The following AP1S3 variants were observed in gnomAD, a reference collection of about 807,000 sequenced individuals.
The protein encoded by AP1S3 is AP-1 complex subunit sigma-3.
AP1S3 carries 10 observed loss-of-function variants against 20.9 expected under a neutral mutation model. The ratio of observed to expected loss-of-function variants is 0.48; its 90% CI spans 0.29 to 0.81. The LOEUF is 0.81. AP1S3 is among the 30% of genes least tolerant of loss of function. The pLI is 0.08. For synonymous variants in AP1S3, 41 were observed against 61.5 expected (o/e 0.67, Z 1.56); for missense variants, 154 against 183.8 (o/e 0.84, Z 0.94).
chr2:223,791,062 G>C (rs772441372), intron 1 of AP1S3, among the ~76,000 whole-genome samples: 6 of 152,110 alleles, frequency 3.9e-5, no homozygotes, highest in Admixed American at 2.0e-4. Flanking sequence ...AAAAGCCCAG[G>C]ATCAGATGGA....
intron 1 of AP1S3, among the ~76,000 whole-genome samples, chr2:223,811,043 G>T (rs1289420443): frequency 2.6e-5 from 4 of 150,996 alleles, no homozygotes; most frequent in African/African-American, 9.7e-5. Context: ...AGTGGTTTTG[G>T]TTACATGAAT....
At chr2:223,801,554 C>T (rs957758235) in intron 1 of AP1S3, among the ~76,000 whole-genome samples, 9 of 152,126 alleles carry the variant, frequency 5.9e-5, no homozygotes, top group Non-Finnish European at 1.0e-4. Flanking sequence ...AAGCAATTCT[C>T]GTGCCTCAGC....
intron 4 of AP1S3, among the ~76,000 whole-genome samples, chr2:223,764,196 G>A (rs1690425960): frequency 7.0e-6 from 1 of 143,524 alleles, no homozygotes. Context: ...TGGGATTACA[G>A]GAGTGAGCCA....
At position 223,798,009 on chromosome 2, in the gene AP1S3, C is replaced by T. The variant is rs148776823; in HGVS notation, c.4-20140G>A. Among the ~76,000 whole-genome samples the T allele has an allele frequency of 1.4e-3, 209 of 152,308 alleles. 1 individual carries two copies. Among genetic ancestry groups the T allele is most frequent in the African/African-American group, 4.7e-3 (194 of 41,572 alleles). ...AAGTGGTCCTCTGACCCAAGAACCT[C>T]GCTTCTATATCTCAGCCGAATATTA... is the stretch of plus-strand genomic sequence containing the variant. On this transcript the variant is annotated intron_variant, in intron 1 of 4. Coordinates refer to ENST00000396654, the MANE Select transcript of AP1S3 (RefSeq NM_001039569.2).
intron 1 of AP1S3, among the ~76,000 whole-genome samples, chr2:223,801,739 C>T (rs558693663): frequency 8.1e-4 from 124 of 152,158 alleles, no homozygotes; most frequent in African/African-American, 2.7e-3. Context: ...CCACTGCACC[C>T]GGCCCATGAG....
chr2:223,806,455 T>C (rs1215641786), intron 1 of AP1S3, among the ~76,000 whole-genome samples: 1 of 151,832 alleles, frequency 6.6e-6, no homozygotes, highest in East Asian at 1.9e-4. Context: ...GGCTAATTTT[T>C]TCATATTTTT....
At chr2:223,833,239 A>AAAAT (rs144135099) in intron 1 of AP1S3, among the ~76,000 whole-genome samples, 18,348 of 141,168 alleles carry the variant, frequency 0.13, 1,207 homozygotes, top group African/African-American at 0.15. Flanking sequence ...TGTTAAAGGC[A>AAAAT]AAATACATAC....
At chr2:223,758,832 A>C in intron 4 of AP1S3, 82 bp from the exon 5 acceptor site, 3 of 1,217,036 alleles carry the variant, frequency 2.5e-6, no homozygotes, top group Non-Finnish European at 3.5e-6. Flanking sequence ...GCATTCTTTT[A>C]TTTATTTGCC....
intron 1 of AP1S3, among the ~76,000 whole-genome samples, chr2:223,794,815 G>A (rs1423599014): frequency 2.6e-5 from 4 of 152,090 alleles, no homozygotes; most frequent in Admixed American, 1.3e-4. Flanking sequence ...TCTCCCTTGC[G>A]TCTGAACCCC....
chr2:223,797,874 G>A (rs1691380997), intron 1 of AP1S3, among the ~76,000 whole-genome samples: 1 of 152,232 alleles, frequency 6.6e-6, no homozygotes, highest in South Asian at 2.1e-4. Flanking sequence ...CTCATTTGAG[G>A]CTGCTGAATC....
At chr2:223,802,760 G>A (rs1231205869) in intron 1 of AP1S3, among the ~76,000 whole-genome samples, 1 of 151,958 alleles carries the variant, frequency 6.6e-6, no homozygotes, top group East Asian at 1.9e-4. Flanking sequence ...TTTCAGGAAG[G>A]GGCATTTTCT....
intron 1 of AP1S3, among the ~76,000 whole-genome samples, chr2:223,799,527 T>C (rs944666661): frequency 9.9e-5 from 15 of 152,218 alleles, no homozygotes; most frequent in Non-Finnish European, 1.5e-4. Context: ...TTATGCCTTT[T>C]ATTTTTAATC....
intron 1 of AP1S3, among the ~76,000 whole-genome samples, chr2:223,817,383 C>T (rs188433972): frequency 2.2e-4 from 33 of 151,962 alleles, no homozygotes; most frequent in Non-Finnish European, 3.7e-4. Context: ...CCAAGGTGGG[C>T]GGATCACCTG....
intron 1 of AP1S3, among the ~76,000 whole-genome samples, chr2:223,812,563 G>A (rs1691757106): frequency 6.6e-6 from 1 of 152,144 alleles, no homozygotes; most frequent in African/African-American, 2.4e-5. Flanking sequence ...GTAAATTTTG[G>A]TTCCCTTTCC....
intron 1 of AP1S3, among the ~76,000 whole-genome samples, chr2:223,807,087 G>A (rs538196743): frequency 3.0e-4 from 46 of 152,196 alleles, no homozygotes; most frequent in African/African-American, 7.9e-4. Context: ...GCAACATGGC[G>A]AAACCCCATC....
intron 4 of AP1S3, among the ~76,000 whole-genome samples, chr2:223,760,655 A>G (rs1690332128): frequency 6.6e-6 from 1 of 152,218 alleles, no homozygotes; most frequent in African/African-American, 2.4e-5. Flanking sequence ...TCTAGAGTTT[A>G]CACCATTTAC....
chr2:223,781,033 G>A lies in AP1S3; in HGVS notation c.4-3164C>T, dbSNP rs193163578. Among the ~76,000 whole-genome samples the A allele has an allele frequency of 2.0e-5, 3 of 151,684 alleles. No individual in the cohort carries two copies. The Admixed American group carries it at 2.0e-4, about 10-fold the overall frequency. On this transcript the variant is annotated intron_variant, in intron 1 of 4. Transcript: ENST00000396654. ...GTTTAGCTCCCGCTTGTGAGAACATGCAATATTTGGTTTTCTGTTCCTGTG... is the reference window on the plus strand; with the variant it reads ...GTTTAGCTCCCGCTTGTGAGAACATACAATATTTGGTTTTCTGTTCCTGTG...
At chr2:223,814,658 C>T (rs1359058448) in intron 1 of AP1S3, among the ~76,000 whole-genome samples, 1 of 152,162 alleles carries the variant, frequency 6.6e-6, no homozygotes, top group African/African-American at 2.4e-5. Context: ...AATATAGAAA[C>T]TACTTAGTTA....
chr2:223,757,627 G>C lies in AP1S3; in HGVS notation c.*1088C>G. ...CTGTAATATGTCTGATCACTGTTAG[G>C]ACCTGGTTATACAGAATTTTCATTC... On this transcript the variant is annotated 3_prime_UTR_variant, in exon 5 of 5. Coordinates refer to ENST00000396654, the MANE Select transcript of AP1S3 (RefSeq NM_001039569.2). The C allele has an allele frequency of 1.0e-6, 1 of 985,352 alleles. No individual in the cohort carries two copies. The highest frequency in any genetic ancestry group is 1.2e-6 in the Non-Finnish European group (1 of 829,934). The allele number at this position is 985,352 out of a possible 1,614,324, so 61.0% of individuals were successfully genotyped here. A position where few individuals can be genotyped will look rare whatever the true frequency, so the allele number is the denominator to read the frequency against.
Sources: gnomAD v4.1 joint callset for allele counts (sites outside exome capture counted in the v4.1 genomes callset) on GRCh38, gnomAD v4.1.1 for gene constraint, MANE v1.5 for transcripts, NCBI Gene and HGNC (gene_info 2026-07-23, HGNC 2026-07-21) for gene names.